Variants in TIMP3 observed in about 807,000 individuals in gnomAD.
TIMP3 encodes metalloproteinase inhibitor 3.
In TIMP3, 11 loss-of-function variants were observed where a neutral mutation model predicts 30.0. The ratio of observed to expected loss-of-function variants is 0.37; its 90% confidence interval spans 0.23 to 0.61. The LOEUF (loss-of-function observed/expected upper bound fraction) is 0.61. TIMP3 is among the 20% of genes least tolerant of loss of function. The pLI, the probability that TIMP3 is intolerant of heterozygous loss-of-function variation, is 0.70. For missense variants in TIMP3, 181 were observed against 276.8 expected, an observed-to-expected ratio of 0.65 and a Z score of 2.45; for synonymous variants, 112 against 111.3, an observed-to-expected ratio of 1.01 and a Z score of -0.04.
intron 1 of TIMP3, among the ~76,000 whole-genome samples, chr22:32,804,225 C>G (rs1395884449): frequency 6.6e-6 from 1 of 152,174 alleles, no homozygotes; most frequent in East Asian, 1.9e-4. Context: ...GTGAGCTGCA[C>G]TAGTGGCAGG....
At chr22:32,825,782 G>A (rs920440624) in intron 1 of TIMP3, among the ~76,000 whole-genome samples, 2 of 143,998 alleles carry the variant, frequency 1.4e-5, no homozygotes, top group African/African-American at 5.1e-5. Context: ...ACACAAGGAT[G>A]TTTATCATAG....
intron 1 of TIMP3, among the ~76,000 whole-genome samples, chr22:32,846,054 A>G (rs2048053815): frequency 6.6e-6 from 1 of 152,154 alleles, no homozygotes; most frequent in African/African-American, 2.4e-5. Flanking sequence ...GGCAGAATGT[A>G]ACTTAATTTT....
chr22:32,859,709 C>T lies in TIMP3; in HGVS notation c.*332C>T. 1 of 319,710 alleles carries T rather than the reference C, an allele frequency of 3.1e-6. No homozygotes were observed. The highest frequency in any genetic ancestry group is 5.8e-6 in the Non-Finnish European group (1 of 172,078). The allele number at this position is 319,710 out of a possible 1,614,324, so 19.8% of individuals were successfully genotyped here. ...GGAAAACAAAAATGAAAAACTACTC[C>T]ATTTGAGGATTGTAATTCCCACCCC... On this transcript the variant is annotated 3_prime_UTR_variant, in exon 5 of 5. Transcript: ENST00000266085.
intron 1 of TIMP3, among the ~76,000 whole-genome samples, chr22:32,845,135 A>C (rs1001456926): frequency 6.6e-6 from 1 of 151,916 alleles, no homozygotes; most frequent in African/African-American, 2.4e-5. Flanking sequence ...TGAGATTCAC[A>C]CTGAGCCTCA....
At chr22:32,807,365 ATATAT>A (rs2046780864) in intron 1 of TIMP3, among the ~76,000 whole-genome samples, 2 of 86,272 alleles carry the variant, frequency 2.3e-5, no homozygotes, top group Non-Finnish European at 4.3e-5. Context: ...AATATATAAT[ATATAT>A]TATATATAAT....
chr22:32,855,413 T>G (rs1447941030), intron 2 of TIMP3, among the ~76,000 whole-genome samples: 1 of 152,160 alleles, frequency 6.6e-6, no homozygotes, highest in African/African-American at 2.4e-5. Flanking sequence ...GGTCATAGAC[T>G]TCTGAGGCTT....
intron 2 of TIMP3, among the ~76,000 whole-genome samples, chr22:32,851,370 A>G (rs2048212713): frequency 6.6e-6 from 1 of 152,174 alleles, no homozygotes; most frequent in Non-Finnish European, 1.5e-5. Context: ...CAGGGTGACC[A>G]GAGGCCCTTC....
At chr22:32,803,842 GT>G (rs1569236848) in intron 1 of TIMP3, among the ~76,000 whole-genome samples, 3 of 152,110 alleles carry the variant, frequency 2.0e-5, no homozygotes, top group African/African-American at 7.2e-5. Flanking sequence ...CTTCACTTGC[GT>G]TTTTTTGGTA....
chr22:32,856,938 G>A (rs888637184), intron 2 of TIMP3, among the ~76,000 whole-genome samples: 1 of 152,112 alleles, frequency 6.6e-6, no homozygotes, highest in Non-Finnish European at 1.5e-5. Context: ...GGCTTATTCC[G>A]CTTAGCAAAA....
intron 1 of TIMP3, among the ~76,000 whole-genome samples, chr22:32,815,883 A>T (rs2047076920): frequency 6.6e-6 from 1 of 152,164 alleles, no homozygotes; most frequent in Non-Finnish European, 1.5e-5. Context: ...GTATTTGAGC[A>T]GGTGTGTCTG....
At chr22:32,833,832 A>G (rs1382860772) in intron 1 of TIMP3, 1 of 501,960 alleles carries the variant, frequency 2.0e-6, no homozygotes, top group Non-Finnish European at 4.0e-6. Flanking sequence ...AAATCCACGG[A>G]AAGCATTTAG....
chr22:32,836,934 T>C (rs185657332), intron 1 of TIMP3, among the ~76,000 whole-genome samples: 98 of 152,278 alleles, frequency 6.4e-4, no homozygotes, highest in African/African-American at 2.2e-3. Context: ...TCCTGCCCAC[T>C]CCTGGTGCAT....
At chr22:32,834,788 A>C (rs2047681830) in intron 1 of TIMP3, among the ~76,000 whole-genome samples, 1 of 152,208 alleles carries the variant, frequency 6.6e-6, no homozygotes, top group South Asian at 2.1e-4. Context: ...GGTACAGGGT[A>C]CCATCCTGGC....
chr22:32,846,789 G>A (rs1306885444), intron 1 of TIMP3, among the ~76,000 whole-genome samples: 1 of 152,232 alleles, frequency 6.6e-6, no homozygotes, highest in Non-Finnish European at 1.5e-5. Flanking sequence ...AGAGATTCAG[G>A]AGGAAAGAGC....
At chr22:32,805,055 T>C (rs964788096) in intron 1 of TIMP3, among the ~76,000 whole-genome samples, 1 of 152,128 alleles carries the variant, frequency 6.6e-6, no homozygotes, top group Non-Finnish European at 1.5e-5. Context: ...GTGTGTGGCT[T>C]CTGCAAAGGT....
intron 1 of TIMP3, among the ~76,000 whole-genome samples, chr22:32,811,731 T>C (rs968707538): frequency 6.6e-6 from 1 of 152,168 alleles, no homozygotes; most frequent in African/African-American, 2.4e-5. Context: ...GATGTCAGTA[T>C]TGAGAATGGC....
chr22:32,832,175 C>T (rs2047592567), intron 1 of TIMP3, among the ~76,000 whole-genome samples: 1 of 152,196 alleles, frequency 6.6e-6, no homozygotes, highest in South Asian at 2.1e-4. Flanking sequence ...CTAGAAGAGG[C>T]AGCTGAAGCA....
chr22:32,836,807 T>C (rs1010965763), intron 1 of TIMP3, among the ~76,000 whole-genome samples: 7 of 152,188 alleles, frequency 4.6e-5, no homozygotes, highest in Non-Finnish European at 7.3e-5. Flanking sequence ...GCCTACACTA[T>C]TTTAAAAGCC....
intron 1 of TIMP3, among the ~76,000 whole-genome samples, chr22:32,814,298 AAG>A (rs2047013174): frequency 2.7e-5 from 4 of 150,662 alleles, no homozygotes; most frequent in Admixed American, 2.6e-4. Context: ...GGAAGGAAGG[AAG>A]GAGAGAGAGA....
Sources: allele counts gnomAD v4.1 joint callset (sites outside exome capture counted in the v4.1 genomes callset), GRCh38; gene constraint gnomAD v4.1.1; transcripts MANE v1.5; gene names NCBI Gene and HGNC (gene_info 2026-07-23, HGNC 2026-07-21).